Variants in THSD7A observed in about 807,000 individuals in gnomAD.
The protein encoded by THSD7A is thrombospondin type-1 domain-containing protein 7A.
THSD7A carries 96 observed loss-of-function variants against 231.3 expected under a neutral mutation model. The ratio of observed to expected loss-of-function variants is 0.41; its 90% CI spans 0.35 to 0.49. THSD7A has a LOEUF of 0.49. THSD7A is among the 20% of genes least tolerant of loss of function. The pLI, the probability that THSD7A is intolerant of heterozygous loss-of-function variation, is 0.05. For missense variants in THSD7A, 2,290 were observed against 2,070.2 expected (o/e 1.11, Z -2.06); for synonymous variants, 940 against 743.3 (o/e 1.26, Z -4.30).
chr7:11,454,583 C>A (rs1456528733), intron 11 of THSD7A, among the ~76,000 whole-genome samples: 3 of 141,682 alleles, frequency 2.1e-5, no homozygotes, highest in Non-Finnish European at 4.6e-5. Flanking sequence ...TTTTTCAATT[C>A]TTCAGTGATT....
chr7:11,706,309 T>TA (rs1313597363), intron 1 of THSD7A, among the ~76,000 whole-genome samples: 13 of 151,068 alleles, frequency 8.6e-5, no homozygotes, highest in Admixed American at 7.3e-4. Flanking sequence ...TACACATTTA[T>TA]AAAACTAAGT....
chr7:11,411,413 C>CACA lies in THSD7A; in HGVS notation c.3683-94_3683-92dup, dbSNP rs1301849310. 1 of 822,448 alleles carries CACA rather than the reference C, an allele frequency of 1.2e-6. No homozygotes were observed. Among genetic ancestry groups the CACA allele is most frequent in the Non-Finnish European group, 2.0e-6 (1 of 510,052 alleles). 50.9% of individuals were successfully genotyped at this position (822,448 alleles called of 1,614,324 possible). ...GATGACCTGAATCCCATATTTAATTCACAACTGCTTCCTAAGCCCCATAAT... is the reference window on the plus strand; with the variant it reads ...GATGACCTGAATCCCATATTTAATTCACAACAACTGCTTCCTAAGCCCCATAAT... On this transcript the variant is annotated intron_variant, in intron 18 of 27. Coordinates refer to ENST00000423059, the MANE Select transcript of THSD7A (RefSeq NM_015204.3). The surrounding 1 kb of genome is among the most constrained non-coding windows in gnomAD (Gnocchi z 4.1).
intron 16 of THSD7A, among the ~76,000 whole-genome samples, chr7:11,420,928 G>T (rs1784122750): frequency 6.6e-6 from 1 of 152,124 alleles, no homozygotes; most frequent in African/African-American, 2.4e-5. Context: ...ACTTGCATGG[G>T]GCCTGTAGCC....
chr7:11,563,669 T>A (rs1054612707), intron 4 of THSD7A, among the ~76,000 whole-genome samples: 6 of 152,142 alleles, frequency 3.9e-5, no homozygotes, highest in African/African-American at 1.4e-4. Flanking sequence ...GCCACTGAGT[T>A]ATGGTTTTTG....
chr7:11,733,029 A>G (rs1245692079), intron 1 of THSD7A, among the ~76,000 whole-genome samples: 2 of 151,948 alleles, frequency 1.3e-5, no homozygotes, highest in Non-Finnish European at 2.9e-5. Flanking sequence ...TAACTAACAT[A>G]CTAGTATGAG....
intron 1 of THSD7A, among the ~76,000 whole-genome samples, chr7:11,769,252 C>G (rs1375585306): frequency 6.7e-6 from 1 of 148,504 alleles, no homozygotes; most frequent in Non-Finnish European, 1.5e-5. Context: ...CTGCCTCGGC[C>G]TCCCAAAGTG....
At chr7:11,496,144 T>C (rs1055192495) in intron 6 of THSD7A, among the ~76,000 whole-genome samples, 3 of 152,178 alleles carry the variant, frequency 2.0e-5, no homozygotes, top group African/African-American at 4.8e-5. Flanking sequence ...CTGACTTTTA[T>C]TGTGCAATGT....
At position 11,641,229 on chromosome 7, in the gene THSD7A, G is replaced by C. The variant is rs780133644; in HGVS notation, c.191-4268C>G. On this transcript the variant is annotated intron_variant, in intron 1 of 27. Transcript: ENST00000423059. The stretch of plus-strand genomic sequence containing the variant: ...AGCTAATTATATTTGTAAAAGCTTT[G>C]CAGTTCTGCTAATTTAATGGAATAA... Among the ~76,000 whole-genome samples the C allele has an allele frequency of 3.6e-4, 55 of 152,082 alleles. 1 individual carries two copies. The highest frequency in any genetic ancestry group is 5.9e-4 in the Non-Finnish European group (40 of 67,944).
intron 9 of THSD7A, 78 bp downstream of exon 9, chr7:11,469,801 T>C (rs909074860): frequency 1.7e-5 from 16 of 962,306 alleles, no homozygotes; most frequent in Admixed American, 6.3e-5. Flanking sequence ...CTCACAAACA[T>C]TGCTAGGCCA....
intron 6 of THSD7A, among the ~76,000 whole-genome samples, chr7:11,511,763 A>C (rs1432554599): frequency 2.6e-5 from 4 of 151,524 alleles, no homozygotes; most frequent in South Asian, 2.1e-4. Flanking sequence ...CCCTTCCTTA[A>C]ACCTTATACA....
intron 9 of THSD7A, among the ~76,000 whole-genome samples, chr7:11,463,716 T>C (rs377023871): frequency 1.0e-3 from 152 of 152,306 alleles, no homozygotes; most frequent in African/African-American, 3.4e-3. Flanking sequence ...TTTGAAAATA[T>C]TGTCATGGAC....
chr7:11,757,799 C>T (rs968996909), intron 1 of THSD7A, among the ~76,000 whole-genome samples: 3 of 151,520 alleles, frequency 2.0e-5, no homozygotes, highest in African/African-American at 7.3e-5. Context: ...GTCTGTAATA[C>T]ATGAATATTT....
Position 11,519,043 on chromosome 7 carries a change from A to G in THSD7A, c.1822+22376T>C, listed in dbSNP as rs147268724. On this transcript the variant is annotated intron_variant, in intron 6 of 27. Coordinates refer to ENST00000423059, the MANE Select transcript of THSD7A (RefSeq NM_015204.3). ...ACTTATGGGCTTTGGAGTTCGGCAT[A>G]TCTGAATTTGAATCACTTATTTCCA... 3.3e-5 allele frequency among the ~76,000 whole-genome samples: 5 copies of G among 152,302 alleles called. No homozygotes were observed. In the East Asian group the frequency reaches 9.6e-4, roughly 29 times the overall value.
chr7:11,599,819 A>G (rs2128343945), intron 2 of THSD7A, among the ~76,000 whole-genome samples: 1 of 151,800 alleles, frequency 6.6e-6, no homozygotes, highest in Non-Finnish European at 1.5e-5. Flanking sequence ...GTGTTGCCAA[A>G]GGAGATTAAC....
chr7:11,663,398 A>G (rs576749928), intron 1 of THSD7A, among the ~76,000 whole-genome samples: 1 of 151,690 alleles, frequency 6.6e-6, no homozygotes, highest in South Asian at 2.1e-4. Context: ...TGGCCCTGAT[A>G]ACTTAATTGG....
chr7:11,793,977 G>A (rs1784045084), intron 1 of THSD7A, among the ~76,000 whole-genome samples: 1 of 151,578 alleles, frequency 6.6e-6, no homozygotes, highest in African/African-American at 2.4e-5. Context: ...GGAAACTAGG[G>A]AAAAAATGAA....
intron 1 of THSD7A, among the ~76,000 whole-genome samples, chr7:11,754,280 C>G (rs534685732): frequency 1.3e-5 from 2 of 151,658 alleles, no homozygotes; most frequent in African/African-American, 4.8e-5. Context: ...TAGAGAGTAA[C>G]GGAAGTGAGA....
intron 23 of THSD7A, among the ~76,000 whole-genome samples, chr7:11,396,392 C>T (rs1340730770): frequency 6.6e-6 from 1 of 151,552 alleles, no homozygotes; most frequent in Non-Finnish European, 1.5e-5. Context: ...GCTAGCCAGA[C>T]TAAGAAAGAA....
At chr7:11,651,496 T>TATCTATC (rs1782504039) in intron 1 of THSD7A, among the ~76,000 whole-genome samples, 1 of 86,630 alleles carries the variant, frequency 1.2e-5, no homozygotes, top group Non-Finnish European at 3.0e-5. Flanking sequence ...ACTATCTATC[T>TATCTATC]ATCTATCTAT....
Sources: gnomAD v4.1 joint callset for allele counts (sites outside exome capture counted in the v4.1 genomes callset) on GRCh38, gnomAD v4.1.1 for gene constraint, Gnocchi (gnomAD v3.1) non-coding constraint, MANE v1.5 for transcripts, NCBI Gene and HGNC (gene_info 2026-07-23, HGNC 2026-07-21) for gene names.